The following OR11H1 variants were observed in gnomAD, a reference collection of about 807,000 sequenced individuals.
The protein encoded by OR11H1 is olfactory receptor family 11 subfamily H member 1.
A neutral mutation model predicts 17.7 loss-of-function variants in OR11H1; 2 were observed. The observed-to-expected ratio is 0.11, with a 90% CI of 0.05 to 0.36. OR11H1 has a LOEUF of 0.36. Ranked by LOEUF, OR11H1 falls within the 10% of genes least tolerant of loss-of-function variation. The pLI is 1.00. For missense variants in OR11H1, 53 were observed against 356.2 expected, an observed-to-expected ratio of 0.15 and a Z score of 6.85; for synonymous variants, 13 against 129.4, an observed-to-expected ratio of 0.10 and a Z score of 6.11.
Position 15,528,906 on chromosome 22 carries a change from C to T in OR11H1, c.715C>T (p.His239Tyr), listed in dbSNP as rs372297166. 1.3e-5 allele frequency: 21 copies of T among 1,611,556 alleles called. No homozygotes were observed. Among genetic ancestry groups the T allele is most frequent in the Admixed American group, 3.3e-5 (2 of 59,942 alleles). Reference sequence around the variant, plus strand: ...GGGTATGCCTTCAAGCACTGGGAGACATAAGGCCTTCTCTACCTGTGGGTC... The same window carrying T: ...GGGTATGCCTTCAAGCACTGGGAGATATAAGGCCTTCTCTACCTGTGGGTC... Reference protein sequence around the residue: ...MLGMPSSTGRHKAFSTCGSHL... With the variant: ...MLGMPSSTGRYKAFSTCGSHL... Residue 239 changes from histidine (H) to tyrosine (Y), a missense_variant, in exon 1 of 1, where the codon CAT becomes TAT. Transcript: ENST00000643195.
In OR11H1 at chr22:15,528,899, T is replaced by C. The variant is rs375060517; in HGVS notation, c.708T>C (p.Thr236=). 6.8e-6 allele frequency: 11 copies of C among 1,611,656 alleles called. No homozygotes were observed. The highest frequency in any genetic ancestry group is 1.3e-5 in the African/African-American group (1 of 74,708). ...CTATGTTGGGTATGCCTTCAAGCAC[T>C]GGGAGACATAAGGCCTTCTCTACCT... ...LKAMLGMPSS[T]GRHKAFSTCG... Residue 236 remains threonine (T), a synonymous_variant, in exon 1 of 1, where the codon ACT becomes ACC. Coordinates refer to ENST00000643195, the MANE Select transcript of OR11H1 (RefSeq NM_001005239.2).
chr22:15,528,874 C>A lies in OR11H1; in HGVS notation c.683C>A (p.Ala228Asp). The change falls in exon 1 of 1, where the codon GCT becomes GAT. Residue 228 changes from alanine to aspartate, a missense_variant. Physicochemically the swap from Ala to Asp is moderately radical, Grantham distance 126 (BLOSUM62 -2). Transcript: ENST00000643195. ...IIGSYTLVLK[A>D]MLGMPSSTGR... ...GGATCCTATACTCTTGTCCTGAAAG[C>A]TATGTTGGGTATGCCTTCAAGCACT... The A allele has an allele frequency of 6.2e-7, 1 of 1,608,238 alleles. No homozygotes were observed. Among genetic ancestry groups the A allele is most frequent in the South Asian group, 1.1e-5 (1 of 90,974 alleles).
Position 15,528,878 on chromosome 22 carries a change from G to T in OR11H1, c.687G>T (p.Met229Ile). The T allele has an allele frequency of 6.2e-7, 1 of 1,611,780 alleles. No homozygotes were observed. The highest frequency in any genetic ancestry group is 2.3e-4 in the Middle Eastern group (1 of 4,430). The change falls in exon 1 of 1, where the codon ATG (methionine) becomes ATT (isoleucine). Residue 229 changes from methionine to isoleucine, a missense_variant. Met to Ile is a conservative substitution (Grantham distance 10, BLOSUM62 1). Transcript: ENST00000643195. ...CCTATACTCTTGTCCTGAAAGCTAT[G>T]TTGGGTATGCCTTCAAGCACTGGGA... ...IGSYTLVLKA[M>I]LGMPSSTGRH... is the part of the protein sequence containing the mutation.
chr22:15,528,892 C>A, the OR11H1 span: 1 of 1,611,774 alleles, frequency 6.2e-7, no homozygotes, highest in Middle Eastern at 2.3e-4. Context: ...GGTATGCCTT[C>A]AAGCACTGGG....
Position 15,528,886 on chromosome 22 carries a change from T to C in OR11H1, c.695T>C (p.Met232Thr). 6.2e-7 allele frequency: 1 copy of C among 1,611,774 alleles called. No individual in the cohort carries two copies. The highest frequency in any genetic ancestry group is 8.5e-7 in the Non-Finnish European group (1 of 1,179,824). ...YTLVLKAMLG[M>T]PSSTGRHKAF... ...CTTGTCCTGAAAGCTATGTTGGGTATGCCTTCAAGCACTGGGAGACATAAG... is the reference window on the plus strand; with the variant it reads ...CTTGTCCTGAAAGCTATGTTGGGTACGCCTTCAAGCACTGGGAGACATAAG... The change falls in exon 1 of 1, where the codon ATG (methionine) becomes ACG (threonine). Residue 232 changes from methionine to threonine, a missense_variant. Transcript: ENST00000643195.
the OR11H1 span, chr22:15,528,653 TTG>T: frequency 6.2e-7 from 1 of 1,611,208 alleles, no homozygotes; most frequent in South Asian, 1.1e-5. Flanking sequence ...TGTGCTGGGT[TTG>T]TGGATTTCTG....
chr22:15,528,786 A>G lies in OR11H1; in HGVS notation c.595A>G (p.Ile199Val), dbSNP rs763291360. ...ATTGGATTGTGTTTCTGCCCCAAGA[A>G]TCCAACTGTTTTGCTACACTCTAAG... ...FALDCVSAPR[I>V]QLFCYTLSSL... The change falls in exon 1 of 1, where the codon ATC (isoleucine) becomes GTC (valine). Residue 199 changes from isoleucine to valine, a missense_variant. Coordinates refer to ENST00000643195, the MANE Select transcript of OR11H1 (RefSeq NM_001005239.2). 1 of 1,605,278 alleles carries G rather than the reference A, an allele frequency of 6.2e-7. No homozygotes were observed. The highest frequency in any genetic ancestry group is 8.5e-7 in the Non-Finnish European group (1 of 1,175,102).
rs761884069 is a variant in OR11H1, at chr22:15,528,851, A to T, written c.660A>T (p.Gly220=). 6.2e-7 allele frequency: 1 copy of T among 1,611,390 alleles called. No homozygotes were observed. The highest frequency in any genetic ancestry group is 8.5e-7 in the Non-Finnish European group (1 of 1,179,788). Residue 220 remains glycine, a synonymous_variant, in exon 1 of 1, where the codon GGA becomes GGT. Coordinates refer to ENST00000643195, the MANE Select transcript of OR11H1 (RefSeq NM_001005239.2). ...VIFGNFLFII[G]SYTLVLKAML... ...TTGGTAACTTCCTCTTTATTATTGG[A>T]TCCTATACTCTTGTCCTGAAAGCTA...
the OR11H1 span, chr22:15,528,289 C>A: frequency 6.2e-7 from 1 of 1,612,110 alleles, no homozygotes; most frequent in South Asian, 1.1e-5. Context: ...TTCCTCTTCT[C>A]ACTCTTTACT....
In OR11H1 at chr22:15,528,904, G is replaced by C; in HGVS notation, c.713G>C (p.Arg238Thr). The C allele has an allele frequency of 6.2e-7, 1 of 1,611,636 alleles. No individual in the cohort carries two copies. The highest frequency in any genetic ancestry group is 8.5e-7 in the Non-Finnish European group (1 of 1,179,820). ...TTGGGTATGCCTTCAAGCACTGGGA[G>C]ACATAAGGCCTTCTCTACCTGTGGG... ...AMLGMPSSTG[R>T]HKAFSTCGSH... The change falls in exon 1 of 1, where the codon AGA becomes ACA. Residue 238 changes from arginine to threonine, a missense_variant. By Grantham distance (71) the Arg-to-Thr change is moderately conservative. Coordinates refer to ENST00000643195, the MANE Select transcript of OR11H1 (RefSeq NM_001005239.2).
At position 15,528,875 on chromosome 22, in the gene OR11H1, T is replaced by C. The variant is rs1299527007; in HGVS notation, c.684T>C (p.Ala228=). 1 of 1,609,174 alleles carries C rather than the reference T, an allele frequency of 6.2e-7. No homozygotes were observed. The highest frequency in any genetic ancestry group is 8.5e-7 in the Non-Finnish European group (1 of 1,179,826). ...GATCCTATACTCTTGTCCTGAAAGC[T>C]ATGTTGGGTATGCCTTCAAGCACTG... is the stretch of plus-strand genomic sequence containing the variant. ...IIGSYTLVLK[A]MLGMPSSTGR... The change falls in exon 1 of 1, where the codon GCT becomes GCC. Residue 228 remains alanine, a synonymous_variant. Coordinates refer to ENST00000643195, the MANE Select transcript of OR11H1 (RefSeq NM_001005239.2).
At position 15,528,918 on chromosome 22, in the gene OR11H1, T is replaced by A; in HGVS notation, c.727T>A (p.Ser243Thr). ...PSSTGRHKAF[S>T]TCGSHLAVVS... ...AAGCACTGGGAGACATAAGGCCTTC[T>A]CTACCTGTGGGTCTCATTTGGCTGT... The change falls in exon 1 of 1, where the codon TCT becomes ACT. Residue 243 changes from serine (S) to threonine (T), a missense_variant. Transcript: ENST00000643195. 6.2e-7 allele frequency: 1 copy of A among 1,611,640 alleles called. No individual in the cohort carries two copies. Among genetic ancestry groups the A allele is most frequent in the Non-Finnish European group, 8.5e-7 (1 of 1,179,782 alleles).
chr22:15,528,388 T>TCCTG, the OR11H1 span: 1 of 1,611,076 alleles, frequency 6.2e-7, no homozygotes, highest in African/African-American at 1.3e-5. Flanking sequence ...ATGTACATGT[T>TCCTG]CCTGGGAAAT....
rs376115040 is a variant in OR11H1, at chr22:15,528,860, T to C, written c.669T>C (p.Thr223=). Reference sequence around the variant, plus strand: ...TCCTCTTTATTATTGGATCCTATACTCTTGTCCTGAAAGCTATGTTGGGTA... The same window carrying C: ...TCCTCTTTATTATTGGATCCTATACCCTTGTCCTGAAAGCTATGTTGGGTA... ...GNFLFIIGSY[T]LVLKAMLGMP... Residue 223 remains threonine, a synonymous_variant, in exon 1 of 1, where the codon ACT becomes ACC. Coordinates refer to ENST00000643195, the MANE Select transcript of OR11H1 (RefSeq NM_001005239.2). 5 of 1,611,600 alleles carry C rather than the reference T, an allele frequency of 3.1e-6. No homozygotes were observed. Among genetic ancestry groups the C allele is most frequent in the Non-Finnish European group, 4.2e-6 (5 of 1,179,836 alleles).
chr22:15,528,914 C>T lies in OR11H1; in HGVS notation c.723C>T (p.Ala241=), dbSNP rs528172310. 5 of 1,611,536 alleles carry T rather than the reference C, an allele frequency of 3.1e-6. No homozygotes were observed. The South Asian group carries it at 4.4e-5, about 14-fold the overall frequency. Residue 241 remains alanine, a synonymous_variant, in exon 1 of 1, where the codon GCC becomes GCT. Transcript: ENST00000643195. The part of the protein sequence containing the change: ...GMPSSTGRHK[A]FSTCGSHLAV... ...CTTCAAGCACTGGGAGACATAAGGC[C>T]TTCTCTACCTGTGGGTCTCATTTGG...
the OR11H1 span, chr22:15,528,218 CT>C: frequency 6.2e-7 from 1 of 1,611,014 alleles, no homozygotes; most frequent in Non-Finnish European, 8.5e-7. Context: ...CAAATTCCAG[CT>C]TTGCTTTTGT....
In OR11H1 at chr22:15,528,813, T is replaced by A. The variant is rs1263102763; in HGVS notation, c.622T>A (p.Ser208Thr). 2.5e-6 allele frequency: 4 copies of A among 1,606,328 alleles called. No homozygotes were observed. In the South Asian group the frequency reaches 4.4e-5, roughly 18 times the overall value. Reference protein sequence around the residue: ...RIQLFCYTLSSLVIFGNFLFI... With the variant: ...RIQLFCYTLSTLVIFGNFLFI... ...CCAACTGTTTTGCTACACTCTAAGC[T>A]CATTAGTTATTTTTGGTAACTTCCT... The change falls in exon 1 of 1, where the codon TCA becomes ACA. Residue 208 changes from serine to threonine, a missense_variant. By Grantham distance (58) the Ser-to-Thr change is moderately conservative. Transcript: ENST00000643195.
Position 15,528,331 on chromosome 22 carries a change from G to T in OR11H1, c.140G>T (p.Gly47Val), listed in dbSNP as rs373029262. The part of the protein sequence containing the change: ...TTYALTITGN[G>V]AIAFVLWCDR... ...TATGCACTGACTATAACAGGGAATGGAGCCATTGCTTTTGTCCTGTGGTGT... is the reference window on the plus strand; with the variant it reads ...TATGCACTGACTATAACAGGGAATGTAGCCATTGCTTTTGTCCTGTGGTGT... Residue 47 changes from glycine (G) to valine (V), a missense_variant, in exon 1 of 1, where the codon GGA becomes GTA. Coordinates refer to ENST00000643195, the MANE Select transcript of OR11H1 (RefSeq NM_001005239.2). 114 of 1,611,922 alleles carry T rather than the reference G, an allele frequency of 7.1e-5. No individual in the cohort carries two copies. The African/African-American group carries it at 1.4e-3, about 20-fold the overall frequency.
chr22:15,528,282 C>G lies in OR11H1; in HGVS notation c.91C>G (p.Leu31Val). ...TTGTGAGTGGACAATTCAGATCTTCCTCTTCTCACTCTTTACTACAACATA... is the reference window on the plus strand; with the variant it reads ...TTGTGAGTGGACAATTCAGATCTTCGTCTTCTCACTCTTTACTACAACATA... ...FSCEWTIQIF[L>V]FSLFTTTYAL... is the part of the protein sequence containing the mutation. The change falls in exon 1 of 1, where the codon CTC becomes GTC. Residue 31 changes from leucine (L) to valine (V), a missense_variant. By Grantham distance (32) the Leu-to-Val change is conservative (BLOSUM62 1). Transcript: ENST00000643195. 6.2e-7 allele frequency: 1 copy of G among 1,612,092 alleles called. No individual in the cohort carries two copies. The highest frequency in any genetic ancestry group is 1.1e-5 in the South Asian group (1 of 90,998).
Sources: allele counts gnomAD v4.1 joint callset, GRCh38; gene constraint gnomAD v4.1.1; transcripts MANE v1.5; gene names NCBI Gene and HGNC (gene_info 2026-07-23, HGNC 2026-07-21).